LMNTD1: variants seen among roughly 807,000 people sequenced by gnomAD.
LMNTD1 encodes lamin tail domain containing 1.
LMNTD1 carries 35 observed loss-of-function variants against 50.9 expected under a neutral mutation model. The observed-to-expected ratio is 0.69, with a 90% CI of 0.53 to 0.91. The LOEUF is 0.91. LMNTD1 is among the 40% of genes least tolerant of loss of function. The pLI is 0.00. For synonymous variants in LMNTD1, 153 were observed against 161.9 expected, an observed-to-expected ratio of 0.94 and a Z score of 0.42; for missense variants, 470 against 475.5, an observed-to-expected ratio of 0.99 and a Z score of 0.11.
At chr12:25,524,605 A>C (rs975920381) in intron 6 of LMNTD1, among the ~76,000 whole-genome samples, 2 of 152,226 alleles carry the variant, frequency 1.3e-5, no homozygotes, top group Non-Finnish European at 2.9e-5. Flanking sequence ...CATACAAAGT[A>C]GAAATCACAA....
chr12:25,595,695 C>T (rs1328011096), intron 1 of LMNTD1, among the ~76,000 whole-genome samples: 1 of 151,932 alleles, frequency 6.6e-6, no homozygotes, highest in African/African-American at 2.4e-5. Context: ...CAAGCCAAAC[C>T]CAAACCTAGC....
chr12:25,564,057 T>A (rs995789622), intron 1 of LMNTD1, among the ~76,000 whole-genome samples: 39 of 152,220 alleles, frequency 2.6e-4, no homozygotes, highest in African/African-American at 8.9e-4. Context: ...CATCATGGCT[T>A]CCCTTTGCTA....
At chr12:25,559,134 A>G (rs192385304) in intron 1 of LMNTD1, among the ~76,000 whole-genome samples, 49 of 152,044 alleles carry the variant, frequency 3.2e-4, no homozygotes, top group East Asian at 1.2e-3. Flanking sequence ...CCATGTCGGT[A>G]TGCTGCACCC....
rs1037203679 is a variant in LMNTD1, at chr12:25,607,432, T to C, written c.58+41062A>G. The stretch of plus-strand genomic sequence containing the variant: ...TTCTTTTAATTGTGATGTTAGGGTG[T>C]CAATTTTAGATCTTTCCTGCTTTCT... On this transcript the variant is annotated intron_variant, in intron 1 of 7. Coordinates refer to the LMNTD1 transcript ENST00000445693. 6.8e-4 allele frequency among the ~76,000 whole-genome samples: 104 copies of C among 152,330 alleles called. 1 individual carries two copies. The highest frequency in any genetic ancestry group is 2.4e-3 in the African/African-American group (100 of 41,572).
chr12:25,517,594 T>C (rs1315986723), intron 8 of LMNTD1, among the ~76,000 whole-genome samples: 2 of 110,630 alleles, frequency 1.8e-5, no homozygotes, highest in African/African-American at 6.2e-5. Flanking sequence ...TTTTAGGAGA[T>C]ATACCTAATG....
At chr12:25,486,271 G>A (rs879717191) in intron 9 of LMNTD1, among the ~76,000 whole-genome samples, 25,615 of 142,482 alleles carry the variant, frequency 0.18, 2,452 homozygotes, top group Middle Eastern at 0.24. Context: ...TGAAGCAATT[G>A]TGAATGGGAG....
Position 25,581,234 on chromosome 12 carries a change from G to A in LMNTD1, c.59-34680C>T, listed in dbSNP as rs12297456. On this transcript the variant is annotated intron_variant, in intron 1 of 7. Coordinates refer to the LMNTD1 transcript ENST00000445693. Reference sequence around the variant, plus strand: ...AGTTATATACTAGGGATAAGCTAAAGGCCCCGCGCAGTGCTTTATTTGTCA... The same window carrying A: ...AGTTATATACTAGGGATAAGCTAAAAGCCCCGCGCAGTGCTTTATTTGTCA... 7.5e-3 allele frequency among the ~76,000 whole-genome samples: 1,149 copies of A among 152,246 alleles called. 12 individuals carry two copies. Among genetic ancestry groups the A allele is most frequent in the African/African-American group, 0.025 (1,022 of 41,530 alleles).
At chr12:25,573,270 G>A (rs2136368849) in intron 1 of LMNTD1, among the ~76,000 whole-genome samples, 1 of 152,008 alleles carries the variant, frequency 6.6e-6, no homozygotes, top group Non-Finnish European at 1.5e-5. Flanking sequence ...CTAAGCTCTA[G>A]TCTAACAATT....
intron 1 of LMNTD1, among the ~76,000 whole-genome samples, chr12:25,619,252 C>CTCTCTATATATATA (rs1374134268): frequency 1.3e-4 from 11 of 84,440 alleles, no homozygotes; most frequent in East Asian, 8.3e-4. Context: ...CTCTCTCTCT[C>CTCTCTATATATATA]TATATATATA....
In LMNTD1 at chr12:25,526,221, G is replaced by C. The variant is rs1395104828; in HGVS notation, c.679-3C>G. ...GCTTCAGATGCTGCTGCCCACACCT[G>C]TAATAAAATTGTTAATGACAAATGC... On this transcript the variant is annotated splice_polypyrimidine_tract_variant and splice_region_variant and intron_variant, in intron 5 of 9. Coordinates refer to ENST00000458174, the MANE Select transcript of LMNTD1 (RefSeq NM_001145728.2). 20 of 1,602,526 alleles carry C rather than the reference G, an allele frequency of 1.2e-5. No individual in the cohort carries two copies. Among genetic ancestry groups the C allele is most frequent in the Non-Finnish European group, 1.7e-5 (20 of 1,175,946 alleles).
chr12:25,479,440 G>T (rs1354827319), intron 9 of LMNTD1, among the ~76,000 whole-genome samples: 3 of 152,178 alleles, frequency 2.0e-5, no homozygotes, highest in African/African-American at 7.2e-5. Flanking sequence ...GCCTTCTGGA[G>T]AACTTTGCCC....
chr12:25,522,060 G>C (rs80200801), intron 6 of LMNTD1, among the ~76,000 whole-genome samples: 3,072 of 152,180 alleles, frequency 0.02, 81 homozygotes, highest in African/African-American at 0.058. Context: ...TGTAACCTTT[G>C]AACATCCCTC....
chr12:25,478,309 A>G (rs1938337800), intron 9 of LMNTD1, among the ~76,000 whole-genome samples: 1 of 152,214 alleles, frequency 6.6e-6, no homozygotes, highest in Non-Finnish European at 1.5e-5. Context: ...TACACCTAAG[A>G]TAATATAACT....
intron 1 of LMNTD1, among the ~76,000 whole-genome samples, chr12:25,584,330 T>C (rs1945435109): frequency 6.6e-6 from 1 of 152,238 alleles, no homozygotes; most frequent in South Asian, 2.1e-4. Context: ...GTTGTCTTGC[T>C]AAGAAGGGAC....
At chr12:25,598,516 A>C (rs1401937880) in intron 1 of LMNTD1, among the ~76,000 whole-genome samples, 1 of 152,068 alleles carries the variant, frequency 6.6e-6, no homozygotes, top group African/African-American at 2.4e-5. Context: ...TCAGAGCAGA[A>C]ACAAATAAAA....
intron 1 of LMNTD1, among the ~76,000 whole-genome samples, chr12:25,637,954 CA>C (rs1046390393): frequency 6.6e-6 from 1 of 151,966 alleles, no homozygotes; most frequent in Non-Finnish European, 1.5e-5. Context: ...AAATGCTCAA[CA>C]AAATGCTAGC....
At chr12:25,639,862 A>G (rs1946915147) in intron 1 of LMNTD1, among the ~76,000 whole-genome samples, 1 of 152,246 alleles carries the variant, frequency 6.6e-6, no homozygotes, top group Admixed American at 6.5e-5. Flanking sequence ...CATGCATAGT[A>G]GCATTTGTCA....
chr12:25,589,208 C>G lies in LMNTD1; in HGVS notation c.59-42654G>C, dbSNP rs1945625395. On this transcript the variant is annotated intron_variant, in intron 1 of 7. Coordinates refer to the LMNTD1 transcript ENST00000445693. ...ATCAGTTGGAAAAAGAATAAAATGT[C>G]TATGTATATAACAGTCAGAAATCAA... Among the ~76,000 whole-genome samples the G allele has an allele frequency of 2.0e-5, 3 of 152,114 alleles. No homozygotes were observed. The South Asian group carries it at 6.2e-4, about 31-fold the overall frequency.
chr12:25,542,919 A>C (rs1043671317), intron 4 of LMNTD1, among the ~76,000 whole-genome samples: 1 of 151,846 alleles, frequency 6.6e-6, no homozygotes, highest in African/African-American at 2.4e-5. Context: ...GAGAAGATAC[A>C]GATGACCATA....
Sources: gnomAD v4.1 joint callset for allele counts (sites outside exome capture counted in the v4.1 genomes callset) on GRCh38, gnomAD v4.1.1 for gene constraint, MANE v1.5 for transcripts, NCBI Gene and HGNC (gene_info 2026-07-23, HGNC 2026-07-21) for gene names.